The following TXNDC11 variants were observed in gnomAD, a reference collection of about 807,000 sequenced individuals.
The protein encoded by TXNDC11 is thioredoxin domain containing 11, also known as thioredoxin domain-containing protein 11.
TXNDC11 carries 68 observed loss-of-function variants against 78.0 expected under a neutral mutation model. The observed-to-expected ratio is 0.87, with a 90% CI of 0.72 to 1.07. The LOEUF (loss-of-function observed/expected upper bound fraction) is 1.07. TXNDC11 is among the 50% of genes least tolerant of loss of function. The pLI is 0.00. For missense variants in TXNDC11, 1,389 were observed against 1,221.8 expected (o/e 1.14, Z -2.04); for synonymous variants, 571 against 495.2 (o/e 1.15, Z -2.03).
In TXNDC11 at chr16:11,742,363, G is replaced by A. The variant is rs1378255425; in HGVS notation, c.254+114C>T. 3.5e-6 allele frequency: 3 copies of A among 855,532 alleles called. No homozygotes were observed. In the East Asian group the frequency reaches 1.0e-4, roughly 29 times the overall value. 53.0% of individuals were successfully genotyped at this position (855,532 alleles called of 1,614,324 possible). On this transcript the variant is annotated intron_variant, in intron 1 of 11. Coordinates refer to ENST00000283033, the MANE Select transcript of TXNDC11 (RefSeq NM_015914.7). ...TTCCGGGAGGGGTCAGCCGTCCTGG[G>A]CAAGGTCAGGCCCGACTTCCCCGGC...
At chr16:11,686,473 A>G (rs1054300712) in intron 10 of TXNDC11, among the ~76,000 whole-genome samples, 2 of 152,226 alleles carry the variant, frequency 1.3e-5, no homozygotes, top group Non-Finnish European at 2.9e-5. Flanking sequence ...CCAAAGTAAA[A>G]TTAACTGGGT....
At position 11,691,773 on chromosome 16, in the gene TXNDC11, C is replaced by A. The variant is rs2050724228; in HGVS notation, c.1417G>T (p.Asp473Tyr). 1 of 1,614,268 alleles carries A rather than the reference C, an allele frequency of 6.2e-7. No homozygotes were observed. Among genetic ancestry groups the A allele is most frequent in the Non-Finnish European group, 8.5e-7 (1 of 1,180,046 alleles). The change falls in exon 8 of 12, where the codon GAT becomes TAT. Residue 473 changes from aspartate to tyrosine, a missense_variant. Physicochemically the swap from Asp to Tyr is radical, Grantham distance 160. Transcript: ENST00000283033. ...GTCTGCTCCTTGAGGTAGAAAGAAT[C>A]CAGAGCTGCTGCCATTTCAAAAAAG... is the stretch of plus-strand genomic sequence containing the variant. ...CSFFEMAAALDSFYLKEQTFY... is the reference protein window; with the variant it reads ...CSFFEMAAALYSFYLKEQTFY...
At chr16:11,723,861 C>CTTA (rs1285029403) in intron 4 of TXNDC11, among the ~76,000 whole-genome samples, 1 of 152,088 alleles carries the variant, frequency 6.6e-6, no homozygotes, top group Non-Finnish European at 1.5e-5. Context: ...TGAATGTATG[C>CTTA]TAAATAAGTG....
At chr16:11,732,621 T>G (rs888091965) in intron 3 of TXNDC11, among the ~76,000 whole-genome samples, 6 of 152,182 alleles carry the variant, frequency 3.9e-5, no homozygotes, top group African/African-American at 1.2e-4. Context: ...AAAACTGGCT[T>G]CTTACTACAA....
chr16:11,738,085 C>T (rs1323643030), intron 1 of TXNDC11, among the ~76,000 whole-genome samples: 3 of 152,156 alleles, frequency 2.0e-5, no homozygotes, highest in African/African-American at 4.8e-5. Flanking sequence ...TACCCATTTA[C>T]TTAAATGTTA....
chr16:11,702,434 G>A lies in TXNDC11; in HGVS notation c.794-1870C>T, dbSNP rs117102182. Among the ~76,000 whole-genome samples the A allele has an allele frequency of 2.7e-3, 410 of 152,260 alleles. 2 individuals carry two copies. Among genetic ancestry groups the A allele is most frequent in the Non-Finnish European group, 4.2e-3 (286 of 68,026 alleles). Reference sequence around the variant, plus strand: ...CTTAATCCTAGCACTTTGGGAGGCCGAGGTGGGTGGATTGCCTGAGCTCAG... The same window carrying A: ...CTTAATCCTAGCACTTTGGGAGGCCAAGGTGGGTGGATTGCCTGAGCTCAG... On this transcript the variant is annotated intron_variant, in intron 5 of 11. Coordinates refer to ENST00000283033, the MANE Select transcript of TXNDC11 (RefSeq NM_015914.7).
chr16:11,680,395 C>T (rs1273401281), intron 11 of TXNDC11, among the ~76,000 whole-genome samples: 1 of 152,232 alleles, frequency 6.6e-6, no homozygotes, highest in African/African-American at 2.4e-5. Flanking sequence ...ACATCTGGCT[C>T]ACACCTGGCA....
At chr16:11,731,979 C>G (rs1217353917) in intron 3 of TXNDC11, among the ~76,000 whole-genome samples, 1 of 151,270 alleles carries the variant, frequency 6.6e-6, no homozygotes, top group Non-Finnish European at 1.5e-5. Flanking sequence ...AAGGAGCTAC[C>G]AATCTGGAAA....
At chr16:11,727,788 G>A (rs10492851) in intron 4 of TXNDC11, among the ~76,000 whole-genome samples, 18,831 of 151,894 alleles carry the variant, frequency 0.12, 1,568 homozygotes, top group African/African-American at 0.23. Flanking sequence ...GCCTTTGAGA[G>A]CCCCATGATA....
At chr16:11,708,342 C>T (rs573740667) in intron 5 of TXNDC11, among the ~76,000 whole-genome samples, 77 of 152,226 alleles carry the variant, frequency 5.1e-4, no homozygotes, top group African/African-American at 1.8e-3. Context: ...TCTTTAAGAA[C>T]GTGTCCCCTT....
intron 4 of TXNDC11, among the ~76,000 whole-genome samples, chr16:11,728,398 A>T (rs748360437): frequency 6.6e-6 from 1 of 152,242 alleles, no homozygotes; most frequent in Non-Finnish European, 1.5e-5. Context: ...AGATGATACT[A>T]ACCCGATAAA....
chr16:11,695,528 T>A (rs2050835742), intron 7 of TXNDC11, among the ~76,000 whole-genome samples: 1 of 152,228 alleles, frequency 6.6e-6, no homozygotes, highest in African/African-American at 2.4e-5. Context: ...CTTGCGTAAG[T>A]ACAGCGTTCA....
intron 3 of TXNDC11, among the ~76,000 whole-genome samples, chr16:11,731,340 G>A (rs920498585): frequency 6.6e-6 from 1 of 152,182 alleles, no homozygotes; most frequent in Non-Finnish European, 1.5e-5. Flanking sequence ...TGAAGTCAGT[G>A]ACCTGTTTAA....
rs1333228902 is a variant in TXNDC11 at position 11,691,563 on chromosome 16, C to T, written c.1627G>A (p.Val543Ile). 2 of 1,614,194 alleles carry T rather than the reference C, an allele frequency of 1.2e-6. No homozygotes were observed. Among genetic ancestry groups the T allele is most frequent in the Middle Eastern group, 1.6e-4 (1 of 6,062 alleles). The change falls in exon 8 of 12, where the codon GTT becomes ATT. Residue 543 changes from valine to isoleucine, a missense_variant. Val to Ile is a conservative substitution (Grantham distance 29). Transcript: ENST00000283033. The part of the protein sequence containing the change: ...AFSSLEKKCE[V>I]DAPSSVPHIE... ...TGAGGAACGGAGCTTGGGGCATCAA[C>T]CTCACATTTCTTCTCAAGGGAAGAA...
intron 7 of TXNDC11, among the ~76,000 whole-genome samples, chr16:11,692,394 G>A (rs975325352): frequency 1.3e-5 from 2 of 152,124 alleles, no homozygotes; most frequent in Non-Finnish European, 2.9e-5. Context: ...CAGTATCACA[G>A]TGCTTGTCTT....
chr16:11,702,086 GTA>G (rs1447801043), intron 5 of TXNDC11, among the ~76,000 whole-genome samples: 4 of 137,792 alleles, frequency 2.9e-5, no homozygotes, highest in African/African-American at 8.7e-5. Context: ...GTGTATGTAT[GTA>G]TGTGTATATA....
In TXNDC11 at chr16:11,734,045, T is replaced by G. The variant is rs1240095218; in HGVS notation, c.506A>C (p.Gln169Pro). 1 of 1,604,092 alleles carries G rather than the reference T, an allele frequency of 6.2e-7. No homozygotes were observed. Among genetic ancestry groups the G allele is most frequent in the South Asian group, 1.1e-5 (1 of 87,840 alleles). ...LFVAINCWWN[Q>P]GKCRKQKHFF... is the part of the protein sequence containing the mutation. ...GTGTTTCTGTTTTCTGCATTTCCCC[T>G]GGTTCCACCAACAGTTAATTGCCAC... is the stretch of plus-strand genomic sequence containing the variant. The change falls in exon 3 of 12, where the codon CAG (glutamine) becomes CCG (proline). Residue 169 changes from glutamine (Q) to proline (P), a missense_variant. Gln to Pro is a moderately conservative substitution (Grantham distance 76). Coordinates refer to ENST00000283033, the MANE Select transcript of TXNDC11 (RefSeq NM_015914.7).
At chr16:11,713,536 C>T (rs980571310) in intron 5 of TXNDC11, among the ~76,000 whole-genome samples, 3 of 152,096 alleles carry the variant, frequency 2.0e-5, no homozygotes, top group African/African-American at 7.2e-5. Flanking sequence ...CCTGTCTCAG[C>T]CTCCCAAGCA....
intron 5 of TXNDC11, among the ~76,000 whole-genome samples, chr16:11,714,572 G>A (rs1407194775): frequency 6.6e-6 from 1 of 151,962 alleles, no homozygotes; most frequent in African/African-American, 2.4e-5. Context: ...CCCGGGAGGC[G>A]GAGGTTGCAG....
Sources: gnomAD v4.1 joint callset for allele counts (sites outside exome capture counted in the v4.1 genomes callset) on GRCh38, gnomAD v4.1.1 for gene constraint, MANE v1.5 for transcripts, NCBI Gene and HGNC (gene_info 2026-07-23, HGNC 2026-07-21) for gene names.